CD226: variants seen among roughly 807,000 people sequenced by gnomAD.
CD226 encodes CD226 molecule, also known as CD226 antigen.
CD226 carries 24 observed loss-of-function variants against 34.9 expected under a neutral mutation model. That is an observed-to-expected ratio of 0.69 (90% CI 0.50 to 0.97). The LOEUF (loss-of-function observed/expected upper bound fraction) is 0.97. CD226 is among the 50% of genes least tolerant of loss of function. The pLI is 0.00. For synonymous variants in CD226, 148 were observed against 147.4 expected (o/e 1.00, Z -0.03); for missense variants, 397 against 412.7 (o/e 0.96, Z 0.33).
At chr18:69,868,044 C>T (rs1490012580) in intron 4 of CD226, among the ~76,000 whole-genome samples, 1 of 152,112 alleles carries the variant, frequency 6.6e-6, no homozygotes, top group Non-Finnish European at 1.5e-5. Context: ...ATCACTTCGC[C>T]GTGACTGAAA....
chr18:69,946,497 C>A (rs1490768305), intron 2 of CD226, among the ~76,000 whole-genome samples: 1 of 152,072 alleles, frequency 6.6e-6, no homozygotes, highest in African/African-American at 2.4e-5. Context: ...GTGCTTTCTT[C>A]TACTACATTC....
At chr18:69,941,624 C>T (rs1202034013) in intron 2 of CD226, among the ~76,000 whole-genome samples, 2 of 152,176 alleles carry the variant, frequency 1.3e-5, no homozygotes, top group African/African-American at 4.8e-5. Flanking sequence ...TGTATTTATC[C>T]AATGCCTGTA....
chr18:69,926,544 A>G (rs1265132737), intron 2 of CD226, among the ~76,000 whole-genome samples: 1 of 152,164 alleles, frequency 6.6e-6, no homozygotes, highest in African/African-American at 2.4e-5. Context: ...ATTCATCCTA[A>G]TATTTCCAGT....
chr18:69,928,099 A>C lies in CD226; in HGVS notation c.382+18635T>G, dbSNP rs143561821. Among the ~76,000 whole-genome samples the C allele has an allele frequency of 6.2e-3, 942 of 152,324 alleles. 8 individuals carry two copies. Among genetic ancestry groups the C allele is most frequent in the Non-Finnish European group, 8.4e-3 (572 of 68,024 alleles). On this transcript the variant is annotated intron_variant, in intron 2 of 5. Transcript: ENST00000582621. The stretch of plus-strand genomic sequence containing the variant: ...ATTTAGAAAGACAAATTCATATCCA[A>C]ATACACTTCAAACCATGTTTCACAT...
intron 2 of CD226, among the ~76,000 whole-genome samples, chr18:69,917,978 T>C (rs559978812): frequency 6.6e-6 from 1 of 152,242 alleles, no homozygotes; most frequent in Non-Finnish European, 1.5e-5. Context: ...AGCTGCCCAC[T>C]GAACCCACCT....
At chr18:69,959,640 C>A (rs56408755), upstream of CD226, among the ~76,000 whole-genome samples, 129,004 of 151,834 alleles carry the variant, frequency 0.85, 57,764 homozygotes, top group East Asian at 0.99. Context: ...GTGGAAAAAA[C>A]AATCATAGTT....
rs1440965970 is a variant in CD226 at position 69,942,571 on chromosome 18, C to A, written c.382+4163G>T. 2.0e-5 allele frequency among the ~76,000 whole-genome samples: 3 copies of A among 152,204 alleles called. No homozygotes were observed. The East Asian group carries it at 5.8e-4, about 29-fold the overall frequency. ...TCTGACATTCTGCTGCCCTAGTGAG[C>A]TGCAACTCCTTTTTCAAGCACAGAA... On this transcript the variant is annotated intron_variant, in intron 2 of 5. Coordinates refer to ENST00000582621, the MANE Select transcript of CD226 (RefSeq NM_001303618.2).
chr18:69,924,600 GC>G (rs2055496975), intron 2 of CD226, among the ~76,000 whole-genome samples: 1 of 140,056 alleles, frequency 7.1e-6, no homozygotes. Flanking sequence ...GAAAATATAT[GC>G]CAACAGATCT....
intron 2 of CD226, among the ~76,000 whole-genome samples, chr18:69,897,411 CCTT>C (rs1310306641): frequency 7.9e-5 from 12 of 152,170 alleles, no homozygotes; most frequent in African/African-American, 2.9e-4. Context: ...GTGATGAACA[CCTT>C]CTTTCTTCTG....
At position 69,887,322 on chromosome 18, in the gene CD226, TACAC is replaced by T. The variant is rs5825978; in HGVS notation, c.727+8375_727+8378del. 2.4e-3 allele frequency among the ~76,000 whole-genome samples: 365 copies of T among 149,900 alleles called. 1 individual carries two copies. The highest frequency in any genetic ancestry group is 4.0e-3 in the Non-Finnish European group (271 of 67,288). On this transcript the variant is annotated intron_variant, in intron 3 of 5. Transcript: ENST00000582621. ...ATATCTCAGTTCATACACCTACACATACACACACACACACACACACAAATTAAAA... is the reference window on the plus strand; with the variant it reads ...ATATCTCAGTTCATACACCTACACATACACACACACACACACAAATTAAAA...
At chr18:69,876,950 G>A (rs565372133) in intron 3 of CD226, among the ~76,000 whole-genome samples, 22 of 132,420 alleles carry the variant, frequency 1.7e-4, no homozygotes, top group African/African-American at 5.3e-4. Context: ...TGCAATCTCC[G>A]CCTCCCAGGT....
In CD226 at chr18:69,859,378, G is replaced by A. The variant is rs1026384972; in HGVS notation, c.*4936C>T. The A allele has an allele frequency of 1.1e-4, 17 of 152,254 alleles. No individual in the cohort carries two copies. Among genetic ancestry groups the A allele is most frequent in the African/African-American group, 3.9e-4 (16 of 41,550 alleles). The allele number at this position is 152,254 out of a possible 1,614,324, so 9.4% of individuals were successfully genotyped here. A position where few individuals can be genotyped will look rare whatever the true frequency, so the allele number is the denominator to read the frequency against. On this transcript the variant is annotated 3_prime_UTR_variant, in exon 6 of 6. Coordinates refer to ENST00000582621, the MANE Select transcript of CD226 (RefSeq NM_001303618.2). Reference sequence around the variant, plus strand: ...TAGCTCTAGGTGGAAAAAAAGTTATGTAGGAGGGAAAGCAAAATCATTTTT... The same window carrying A: ...TAGCTCTAGGTGGAAAAAAAGTTATATAGGAGGGAAAGCAAAATCATTTTT...
chr18:69,917,828 AT>A (rs1317508185), intron 2 of CD226, among the ~76,000 whole-genome samples: 41 of 152,316 alleles, frequency 2.7e-4, no homozygotes, highest in African/African-American at 9.1e-4. Context: ...CTAATACTTA[AT>A]CCATTGTTGA....
intron 2 of CD226, among the ~76,000 whole-genome samples, chr18:69,907,013 T>C (rs1001022402): frequency 6.6e-6 from 1 of 152,154 alleles, no homozygotes; most frequent in African/African-American, 2.4e-5. Flanking sequence ...CACACACTGA[T>C]CAAGGGACCC....
chr18:69,926,567 G>T (rs2055524631), intron 2 of CD226, among the ~76,000 whole-genome samples: 1 of 152,178 alleles, frequency 6.6e-6, no homozygotes, highest in Admixed American at 6.5e-5. Context: ...CTGATGGAAT[G>T]CCTGGCAAGT....
At chr18:69,920,692 C>T (rs894698601) in intron 2 of CD226, among the ~76,000 whole-genome samples, 14 of 152,100 alleles carry the variant, frequency 9.2e-5, no homozygotes, top group South Asian at 2.1e-4. Flanking sequence ...CACTTTGCAG[C>T]GGATGTTTAT....
intron 3 of CD226, among the ~76,000 whole-genome samples, chr18:69,895,385 A>G (rs564796284): frequency 1.1e-4 from 17 of 152,170 alleles, no homozygotes; most frequent in Non-Finnish European, 2.2e-4. Flanking sequence ...GGAAGATAGG[A>G]GTTCTACAGC....
chr18:69,871,247 G>A (rs1052084017), intron 4 of CD226, among the ~76,000 whole-genome samples: 4 of 152,242 alleles, frequency 2.6e-5, no homozygotes, highest in Admixed American at 1.3e-4. Context: ...GTGAAAAAGT[G>A]GAAGAGTCCG....
In CD226 at chr18:69,914,352, A is replaced by G. The variant is rs114152402; in HGVS notation, c.383-18307T>C. Among the ~76,000 whole-genome samples the G allele has an allele frequency of 6.9e-3, 1,058 of 152,318 alleles. 10 individuals carry two copies. The highest frequency in any genetic ancestry group is 0.024 in the African/African-American group (995 of 41,564). ...TTGGTTCAAGTTGATTAGCACTACCAGAAAAGAAACTCACAGTGAACACCA... is the reference window on the plus strand; with the variant it reads ...TTGGTTCAAGTTGATTAGCACTACCGGAAAAGAAACTCACAGTGAACACCA... On this transcript the variant is annotated intron_variant, in intron 2 of 5. Coordinates refer to ENST00000582621, the MANE Select transcript of CD226 (RefSeq NM_001303618.2).
Sources: allele counts gnomAD v4.1 joint callset (sites outside exome capture counted in the v4.1 genomes callset), GRCh38; gene constraint gnomAD v4.1.1; transcripts MANE v1.5; gene names NCBI Gene and HGNC (gene_info 2026-07-23, HGNC 2026-07-21).